SORCS1: variants seen among roughly 807,000 people sequenced by gnomAD.
SORCS1 encodes sortilin related VPS10 domain containing receptor 1.
A neutral mutation model predicts 146.1 loss-of-function variants in SORCS1; 60 were observed. The ratio of observed to expected loss-of-function variants is 0.41; its 90% CI spans 0.33 to 0.51. SORCS1 has a LOEUF of 0.51. SORCS1 is among the 20% of genes least tolerant of loss of function. SORCS1 has a pLI of 0.21. For missense variants in SORCS1, 1,352 were observed against 1,487.6 expected, an observed-to-expected ratio of 0.91 and a Z score of 1.50; for synonymous variants, 637 against 584.0, an observed-to-expected ratio of 1.09 and a Z score of -1.31.
chr10:107,002,024 A>G (rs1957244213), intron 1 of SORCS1, among the ~76,000 whole-genome samples: 1 of 152,246 alleles, frequency 6.6e-6, no homozygotes, highest in South Asian at 2.1e-4. Context: ...AAAAATATCC[A>G]AGAATACATA....
At chr10:106,956,903 G>A (rs1954971431) in intron 1 of SORCS1, among the ~76,000 whole-genome samples, 2 of 152,156 alleles carry the variant, frequency 1.3e-5, no homozygotes, top group Admixed American at 6.5e-5. Context: ...CACAACTCAG[G>A]TACTCACTGA....
chr10:106,591,106 A>G (rs1324189403), intron 24 of SORCS1, among the ~76,000 whole-genome samples: 1 of 152,152 alleles, frequency 6.6e-6, no homozygotes, highest in Non-Finnish European at 1.5e-5. Context: ...CGTGACCATG[A>G]GCTATGCCAT....
intron 24 of SORCS1, among the ~76,000 whole-genome samples, chr10:106,591,758 T>C (rs925069662): frequency 2.0e-5 from 3 of 152,066 alleles, no homozygotes; most frequent in Non-Finnish European, 4.4e-5. Context: ...TAGAAATCCA[T>C]GTGATTTCAG....
intron 2 of SORCS1, among the ~76,000 whole-genome samples, chr10:106,917,886 G>C (rs1952521604): frequency 2.0e-5 from 3 of 152,200 alleles, no homozygotes; most frequent in African/African-American, 7.2e-5. Context: ...CTCGCTTCAA[G>C]TGCTTGAAAC....
At chr10:107,122,211 C>T (rs1249431169) in intron 1 of SORCS1, among the ~76,000 whole-genome samples, 1 of 152,212 alleles carries the variant, frequency 6.6e-6, no homozygotes, top group Non-Finnish European at 1.5e-5. Context: ...CAACTAAGCA[C>T]AATACAAGCA....
At chr10:107,154,660 T>C (rs984693539) in intron 1 of SORCS1, among the ~76,000 whole-genome samples, 2 of 152,064 alleles carry the variant, frequency 1.3e-5, no homozygotes, top group East Asian at 3.9e-4. Flanking sequence ...TTTAAGAAAA[T>C]AGAACTGGAC....
At chr10:106,845,179 C>T (rs1018721868) in intron 2 of SORCS1, among the ~76,000 whole-genome samples, 1 of 107,986 alleles carries the variant, frequency 9.3e-6, no homozygotes, top group Non-Finnish European at 2.0e-5. Context: ...AATGGTTGAA[C>T]TAGTTTACAG....
intron 1 of SORCS1, among the ~76,000 whole-genome samples, chr10:107,141,942 G>A (rs925084873): frequency 6.6e-6 from 1 of 152,190 alleles, no homozygotes; most frequent in Non-Finnish European, 1.5e-5. Flanking sequence ...TAGACTTGCA[G>A]TGCTATGGGA....
chr10:106,586,255 G>A (rs1253072560), intron 24 of SORCS1, among the ~76,000 whole-genome samples: 1 of 152,172 alleles, frequency 6.6e-6, no homozygotes, highest in Non-Finnish European at 1.5e-5. Context: ...AAGAATGAAA[G>A]GGGGCGCTAT....
At chr10:107,047,467 C>T (rs1197152950) in intron 1 of SORCS1, among the ~76,000 whole-genome samples, 1 of 152,130 alleles carries the variant, frequency 6.6e-6, no homozygotes, top group Non-Finnish European at 1.5e-5. Context: ...ACTCACTTTT[C>T]TACCAGAAAT....
chr10:106,663,067 A>C (rs975478536), intron 17 of SORCS1, among the ~76,000 whole-genome samples: 1 of 152,234 alleles, frequency 6.6e-6, no homozygotes, highest in Non-Finnish European at 1.5e-5. Context: ...TTTGTATAAC[A>C]AGTTTTATGG....
chr10:107,052,782 G>A (rs1035251975), intron 1 of SORCS1, among the ~76,000 whole-genome samples: 3 of 151,552 alleles, frequency 2.0e-5, no homozygotes, highest in African/African-American at 7.3e-5. Flanking sequence ...TTTTTTCATT[G>A]AAATTTGTAA....
At chr10:106,956,161 G>T (rs1212717316) in intron 2 of SORCS1, among the ~76,000 whole-genome samples, 2 of 151,892 alleles carry the variant, frequency 1.3e-5, no homozygotes, top group East Asian at 1.9e-4. Context: ...CTGGTAGAGA[G>T]CCTCGTTCTG....
chr10:106,832,277 C>T (rs1948584316), intron 2 of SORCS1, among the ~76,000 whole-genome samples: 1 of 151,666 alleles, frequency 6.6e-6, no homozygotes. Flanking sequence ...CAACTTCCGC[C>T]TTCTGGGTTC....
At chr10:107,023,591 A>G (rs187428666) in intron 1 of SORCS1, among the ~76,000 whole-genome samples, 1 of 152,322 alleles carries the variant, frequency 6.6e-6, no homozygotes, top group East Asian at 1.9e-4. Flanking sequence ...AAGATAGTAC[A>G]CGATTACATA....
chr10:106,801,732 G>A (rs940080668), intron 3 of SORCS1, among the ~76,000 whole-genome samples: 3 of 152,062 alleles, frequency 2.0e-5, no homozygotes, highest in African/African-American at 7.2e-5. Flanking sequence ...TGGTTTCACT[G>A]TGTTAGCCAG....
intron 2 of SORCS1, among the ~76,000 whole-genome samples, chr10:106,907,156 G>T (rs1329459519): frequency 6.6e-6 from 1 of 152,160 alleles, no homozygotes; most frequent in East Asian, 1.9e-4. Context: ...ATCTTTGCAA[G>T]ATTTTCTTAT....
At chr10:106,911,667 A>G (rs1952163296) in intron 2 of SORCS1, among the ~76,000 whole-genome samples, 2 of 152,184 alleles carry the variant, frequency 1.3e-5, no homozygotes, top group African/African-American at 2.4e-5. Flanking sequence ...GTGGCTTTGC[A>G]GAGTACTTAC....
intron 1 of SORCS1, among the ~76,000 whole-genome samples, chr10:107,119,209 T>C (rs529720990): frequency 6.6e-6 from 1 of 152,222 alleles, no homozygotes; most frequent in Admixed American, 6.5e-5. Flanking sequence ...CTTTCAAAAC[T>C]GCAAAAGAAT....
Sources: allele counts gnomAD v4.1 joint callset (sites outside exome capture counted in the v4.1 genomes callset), GRCh38; gene constraint gnomAD v4.1.1; transcripts MANE v1.5; gene names NCBI Gene and HGNC (gene_info 2026-07-23, HGNC 2026-07-21).